The following KDM5B variants were observed in gnomAD, a reference collection of about 807,000 sequenced individuals.
KDM5B encodes lysine-specific demethylase 5B.
In KDM5B, 144 loss-of-function variants were observed where a neutral mutation model predicts 193.4. That is an observed-to-expected ratio of 0.74 (90% confidence interval 0.65 to 0.86). The LOEUF (loss-of-function observed/expected upper bound fraction) is 0.86, where lower values mean the gene tolerates loss of function less well. Ranked by LOEUF, KDM5B falls within the 40% of genes least tolerant of loss-of-function variation. KDM5B has a pLI of 0.00. For synonymous variants in KDM5B, 668 were observed against 682.6 expected, an observed-to-expected ratio of 0.98 and a Z score of 0.33; for missense variants, 1,833 against 1,886.9, an observed-to-expected ratio of 0.97 and a Z score of 0.53.
chr1:202,797,897 T>C (rs2102341903), intron 1 of KDM5B, among the ~76,000 whole-genome samples: 1 of 152,356 alleles, frequency 6.6e-6, no homozygotes, highest in African/African-American at 2.4e-5. Context: ...CTCACTAATC[T>C]GTTTAGGGAC....
intron 20 of KDM5B, among the ~76,000 whole-genome samples, chr1:202,737,091 G>A (rs971337466): frequency 6.6e-6 from 1 of 152,130 alleles, no homozygotes; most frequent in African/African-American, 2.4e-5. Context: ...ATGAAGGTTT[G>A]TAGTAACTCA....
intron 4 of KDM5B, among the ~76,000 whole-genome samples, chr1:202,768,044 A>G (rs1656548453): frequency 6.6e-6 from 1 of 152,330 alleles, no homozygotes; most frequent in South Asian, 2.1e-4. Context: ...TCATTTGACT[A>G]AAGTAGTCTT....
intron 1 of KDM5B, among the ~76,000 whole-genome samples, chr1:202,804,373 T>C (rs1658200180): frequency 6.6e-6 from 1 of 152,056 alleles, no homozygotes; most frequent in African/African-American, 2.4e-5. Flanking sequence ...AAAGATTTCA[T>C]GACACCAAAG....
Position 202,750,788 on chromosome 1 carries a change from C to A in KDM5B, c.1702-10G>T, listed in dbSNP as rs1408135155. ...GATTAGTTCGGTAAACCTAAAGAGA[C>A]AGAAATTGAAGATTTTTGAGTTTCT... On this transcript the variant is annotated splice_polypyrimidine_tract_variant and intron_variant, in intron 12 of 26. Coordinates refer to ENST00000367265, the MANE Select transcript of KDM5B (RefSeq NM_006618.5). The A allele has an allele frequency of 6.2e-7, 1 of 1,609,806 alleles. No individual in the cohort carries two copies. The highest frequency in any genetic ancestry group is 1.1e-5 in the South Asian group (1 of 90,570).
chr1:202,734,219 T>TTTCCA (rs1655008787), intron 22 of KDM5B, among the ~76,000 whole-genome samples: 4 of 149,700 alleles, frequency 2.7e-5, no homozygotes, highest in Non-Finnish European at 5.9e-5. Context: ...TCACCACATC[T>TTTCCA]ATCCCCTTTC....
At chr1:202,741,241 C>G (rs949523833) in intron 19 of KDM5B, 126 bp downstream of exon 19, 10 of 572,334 alleles carry the variant, frequency 1.7e-5, no homozygotes, top group Non-Finnish European at 2.3e-5. Context: ...GCTATTTCTA[C>G]ATGTCTTCCA....
chr1:202,736,564 A>G (rs1467439576), intron 20 of KDM5B, among the ~76,000 whole-genome samples, 172 bp from the exon 21 acceptor site: 2 of 152,204 alleles, frequency 1.3e-5, no homozygotes, highest in Non-Finnish European at 2.9e-5. Context: ...TATTGGGGGT[A>G]GAAGTGACAT....
intron 1 of KDM5B, among the ~76,000 whole-genome samples, chr1:202,784,338 G>T (rs1051699166): frequency 7.2e-5 from 11 of 152,124 alleles, no homozygotes; most frequent in African/African-American, 2.7e-4. Flanking sequence ...TGTCACAAAA[G>T]CACATTCTTG....
At chr1:202,768,186 T>C (rs1318827163) in intron 4 of KDM5B, among the ~76,000 whole-genome samples, 1 of 152,250 alleles carries the variant, frequency 6.6e-6, no homozygotes, top group Non-Finnish European at 1.5e-5. Flanking sequence ...TTTTTCTTTT[T>C]AGTTTTATTC....
chr1:202,792,667 G>A (rs919377512), intron 1 of KDM5B, among the ~76,000 whole-genome samples: 1 of 152,144 alleles, frequency 6.6e-6, no homozygotes. Flanking sequence ...TCAAGTCTGG[G>A]TGGCCAGAAG....
At position 202,760,078 on chromosome 1, in the gene KDM5B, C is replaced by T. The variant is rs1006741112; in HGVS notation, c.1077+337G>A. ...CTGTAATCCCAGCAATTTGGAAGGC[C>T]GAGGTAGGAGGACTATTTGAGCTTA... On this transcript the variant is annotated intron_variant, in intron 8 of 26. Transcript: ENST00000367265. Among the ~76,000 whole-genome samples the T allele has an allele frequency of 8.5e-5, 13 of 152,096 alleles. No homozygotes were observed. The South Asian group carries it at 1.7e-3, about 19-fold the overall frequency.
chr1:202,768,717 C>CTTTTT (rs11450747), intron 4 of KDM5B, among the ~76,000 whole-genome samples: 3 of 130,426 alleles, frequency 2.3e-5, no homozygotes, highest in South Asian at 2.5e-4. Context: ...GTTAACTATT[C>CTTTTT]TTTTTTTTTT....
chr1:202,728,523 G>A lies in KDM5B; in HGVS notation c.*513C>T, dbSNP rs1166887908. The A allele has an allele frequency of 2.6e-5, 4 of 153,310 alleles. No homozygotes were observed. The highest frequency in any genetic ancestry group is 1.5e-5 in the Non-Finnish European group (1 of 68,626). The allele number at this position is 153,310 out of a possible 1,614,324, so 9.5% of individuals were successfully genotyped here. ...CTAGTCTACCAGGAAGAAGAAAAGT[G>A]GATAAAGGAAAAGAAGAAACAAACA... On this transcript the variant is annotated 3_prime_UTR_variant, in exon 27 of 27. Coordinates refer to ENST00000367265, the MANE Select transcript of KDM5B (RefSeq NM_006618.5).
At position 202,774,734 on chromosome 1, in the gene KDM5B, G is replaced by GC; in HGVS notation, c.283dup (p.Ala95GlyfsTer40). ...GAAATTCAATTTTACACGAGTTTGG[G>GC]CCTAAAAGACAAAGAATTGAGTTTT... is the stretch of plus-strand genomic sequence containing the variant. On this transcript the variant is annotated frameshift_variant and splice_region_variant, in exon 3 of 27. Coordinates refer to ENST00000367265, the MANE Select transcript of KDM5B (RefSeq NM_006618.5). LOFTEE classifies it high-confidence loss of function. 1 of 1,612,090 alleles carries GC rather than the reference G, an allele frequency of 6.2e-7. No homozygotes were observed. The highest frequency in any genetic ancestry group is 8.5e-7 in the Non-Finnish European group (1 of 1,178,986).
intron 1 of KDM5B, among the ~76,000 whole-genome samples, chr1:202,780,571 C>A (rs1391352672): frequency 2.6e-5 from 4 of 152,060 alleles, no homozygotes; most frequent in African/African-American, 7.2e-5. Context: ...AGGAAATTCA[C>A]TGCAAAATTC....
At position 202,774,886 on chromosome 1, in the gene KDM5B, T is replaced by C. The variant is rs991235491; in HGVS notation, c.283-151A>G. ...ATGCTCTTTCAGCAAAATCATATAA[T>C]ACCACTTTCTAAATTCAGTGAGAAA... On this transcript the variant is annotated intron_variant, in intron 2 of 26. Coordinates refer to ENST00000367265, the MANE Select transcript of KDM5B (RefSeq NM_006618.5). 1.7e-5 allele frequency: 11 copies of C among 652,020 alleles called. No homozygotes were observed. In the African/African-American group the frequency reaches 2.0e-4, roughly 12 times the overall value. 40.4% of individuals were successfully genotyped at this position (652,020 alleles called of 1,614,324 possible).
chr1:202,729,826 C>T lies in KDM5B; in HGVS notation c.4378G>A (p.Val1460Ile). The T allele has an allele frequency of 6.2e-7, 1 of 1,614,188 alleles. No homozygotes were observed. The highest frequency in any genetic ancestry group is 8.5e-7 in the Non-Finnish European group (1 of 1,180,010). ...KLERERSYEL[V>I]RSAETHSLPS... ...AGGGAATGAGTTTCAGCAGAACGAA[C>T]TAATTCATAGCTACGCTCTCTCTCT... The change falls in exon 26 of 27, where the codon GTT becomes ATT. Residue 1460 changes from valine to isoleucine, a missense_variant. Physicochemically the swap from Val to Ile is conservative, Grantham distance 29. Coordinates refer to ENST00000367265, the MANE Select transcript of KDM5B (RefSeq NM_006618.5).
At chr1:202,758,739 C>G (rs185641165) in intron 8 of KDM5B, 11 of 342,456 alleles carry the variant, frequency 3.2e-5, no homozygotes, top group African/African-American at 2.1e-4. Flanking sequence ...ATTTTAACAA[C>G]CACAACTTGG....
At chr1:202,782,495 A>C (rs1657239476) in intron 1 of KDM5B, among the ~76,000 whole-genome samples, 1 of 152,154 alleles carries the variant, frequency 6.6e-6, no homozygotes, top group African/African-American at 2.4e-5. Context: ...GCATGGCAGA[A>C]GCCAAGCCAT....
Sources: allele counts gnomAD v4.1 joint callset (sites outside exome capture counted in the v4.1 genomes callset), GRCh38; gene constraint gnomAD v4.1.1; transcripts MANE v1.5; gene names NCBI Gene and HGNC (gene_info 2026-07-23, HGNC 2026-07-21).